Variants in RRAGB observed in about 807,000 individuals in gnomAD.
RRAGB encodes Ras related GTP binding B.
A neutral mutation model predicts 29.3 loss-of-function variants in RRAGB; 6 were observed. The observed-to-expected ratio is 0.21, with a 90% CI of 0.11 to 0.40. RRAGB has a LOEUF of 0.40. Ranked by LOEUF, RRAGB falls within the 10% of genes least tolerant of loss-of-function variation. RRAGB has a pLI of 1.00. For synonymous variants in RRAGB, 101 were observed against 92.5 expected (o/e 1.09, Z -0.53); for missense variants, 184 against 272.9 (o/e 0.67, Z 2.29).
intron 5 of RRAGB, among the ~76,000 whole-genome samples, chrX:55,748,812 T>C (rs1342837492): frequency 5.3e-4 from 39 of 73,481 alleles, no homozygotes; most frequent in Middle Eastern, 0.011. Flanking sequence ...CCTGGCCAGC[T>C]GCCCCGTCCG....
At chrX:55,756,013 A>C in intron 8 of RRAGB, 81 bp downstream of exon 8, 1 of 657,725 alleles carries the variant, frequency 1.5e-6, no homozygotes, top group Non-Finnish European at 2.4e-6. Context: ...AACTATAGTT[A>C]ACTGTACTTC....
intron 5 of RRAGB, among the ~76,000 whole-genome samples, chrX:55,732,696 C>G (rs1382313326): frequency 8.9e-6 from 1 of 111,880 alleles, no homozygotes; most frequent in Non-Finnish European, 1.9e-5. Context: ...TCTCCCTCAA[C>G]TTCTGTCATG....
chrX:55,732,829 G>A (rs1019787016), intron 5 of RRAGB, among the ~76,000 whole-genome samples: 1 of 111,317 alleles, frequency 9.0e-6, no homozygotes. Context: ...TTTTATTCTC[G>A]TTTCCTTTAA....
intron 5 of RRAGB, 126 bp from the exon 6 acceptor site, chrX:55,750,975 C>T: frequency 2.2e-6 from 1 of 450,325 alleles, no homozygotes; most frequent in Non-Finnish European, 3.6e-6. Context: ...GTGAAATAGA[C>T]ATACTTAAAA....
intron 5 of RRAGB, among the ~76,000 whole-genome samples, chrX:55,741,378 G>A (rs752054271): frequency 7.2e-5 from 8 of 111,500 alleles, no homozygotes; most frequent in African/African-American, 2.6e-4. Flanking sequence ...TAAGAAAATC[G>A]CTCAAATTTG....
chrX:55,735,601 C>A (rs756746673), intron 5 of RRAGB, among the ~76,000 whole-genome samples: 2 of 112,016 alleles, frequency 1.8e-5, no homozygotes, highest in Non-Finnish European at 3.8e-5. Context: ...CACATTTAGA[C>A]CATTTACATT....
intron 3 of RRAGB, among the ~76,000 whole-genome samples, chrX:55,723,723 ATTTT>A (rs1191436594): frequency 9.2e-6 from 1 of 108,771 alleles, no homozygotes; most frequent in Non-Finnish European, 1.9e-5. Flanking sequence ...CATCCAGCTA[ATTTT>A]TTTTATTTTT....
At chrX:55,751,885 G>A (rs1447654511) in intron 6 of RRAGB, among the ~76,000 whole-genome samples, 1 of 110,684 alleles carries the variant, frequency 9.0e-6, no homozygotes, top group Non-Finnish European at 1.9e-5. Flanking sequence ...GAAGGACTAG[G>A]TCCTTTTGGA....
intron 1 of RRAGB, among the ~76,000 whole-genome samples, chrX:55,718,860 C>A: frequency 9.0e-6 from 1 of 111,523 alleles, no homozygotes; most frequent in Non-Finnish European, 1.9e-5. Context: ...GGAAGGACAG[C>A]TGAAGGACTA....
intron 8 of RRAGB, 85 bp downstream of exon 8, chrX:55,756,017 G>A (rs1165294027): frequency 2.5e-5 from 16 of 632,489 alleles, no homozygotes; most frequent in Non-Finnish European, 3.7e-5. Context: ...ATAGTTAACT[G>A]TACTTCTATA....
At chrX:55,731,329 G>A in intron 4 of RRAGB, 35 bp from the exon 5 acceptor site, 1 of 1,043,422 alleles carries the variant, frequency 9.6e-7, no homozygotes, top group Non-Finnish European at 1.3e-6. Flanking sequence ...ATTGAATTGA[G>A]GATTTGCTTA....
intron 4 of RRAGB, 106 bp from the exon 5 acceptor site, chrX:55,731,258 A>C: frequency 7.0e-6 from 4 of 571,128 alleles, no homozygotes; most frequent in Non-Finnish European, 1.1e-5. Flanking sequence ...CTTTAAATTG[A>C]AGCCTTAAGA....
intron 5 of RRAGB, among the ~76,000 whole-genome samples, chrX:55,745,971 G>T (rs760706991): frequency 9.0e-6 from 1 of 111,477 alleles, no homozygotes; most frequent in East Asian, 2.8e-4. Context: ...TGGAATTAGG[G>T]TCATTTCAGA....
intron 7 of RRAGB, among the ~76,000 whole-genome samples, chrX:55,754,813 A>G (rs1487225046): frequency 1.8e-5 from 2 of 111,936 alleles, no homozygotes; most frequent in Non-Finnish European, 3.8e-5. Context: ...AGGAGTCCTA[A>G]TTAGAGTATC....
At chrX:55,745,144 G>T (rs2147109381) in intron 5 of RRAGB, among the ~76,000 whole-genome samples, 1 of 112,352 alleles carries the variant, frequency 8.9e-6, no homozygotes, top group African/African-American at 3.2e-5. Context: ...TAAGTCTAAT[G>T]TAGTTGTTGC....
chrX:55,737,973 T>TC (rs1449754333), intron 5 of RRAGB, among the ~76,000 whole-genome samples: 2 of 112,335 alleles, frequency 1.8e-5, no homozygotes, highest in East Asian at 5.6e-4. Flanking sequence ...CCCACTCTGG[T>TC]ACTTGTGCTC....
intron 3 of RRAGB, among the ~76,000 whole-genome samples, chrX:55,722,636 A>G (rs1204378116): frequency 8.9e-6 from 1 of 112,117 alleles, no homozygotes; most frequent in Non-Finnish European, 1.9e-5. Context: ...CAAGCATAAC[A>G]GTAAAATATG....
chrX:55,742,265 A>G (rs2034107596), intron 5 of RRAGB, among the ~76,000 whole-genome samples: 1 of 112,571 alleles, frequency 8.9e-6, no homozygotes, highest in Admixed American at 9.3e-5. Context: ...GTGATTTTTA[A>G]CTGGTCTTTA....
chrX:55,755,275 G>A, intron 7 of RRAGB: 2 of 752,061 alleles, frequency 2.7e-6, no homozygotes, highest in Non-Finnish European at 3.1e-6. Context: ...GGTAATACTT[G>A]TGTGGTTTTA....
Sources: gnomAD v4.1 joint callset for allele counts (sites outside exome capture counted in the v4.1 genomes callset) on GRCh38, gnomAD v4.1.1 for gene constraint, MANE v1.5 for transcripts, NCBI Gene and HGNC (gene_info 2026-07-23, HGNC 2026-07-21) for gene names.